The following NLRP12 variants were observed in gnomAD, a reference collection of about 807,000 sequenced individuals.
NLRP12 encodes the protein NACHT, LRR and PYD domains-containing protein 12.
Under a neutral mutation model 91.2 loss-of-function variants are expected in NLRP12, and 108 were observed. That is an observed-to-expected ratio of 1.18 (90% confidence interval 1.01 to 1.39). The LOEUF (loss-of-function observed/expected upper bound fraction) is 1.39, where lower values mean the gene tolerates loss of function less well. Ranked by LOEUF, NLRP12 falls within the 40% of genes most tolerant of loss-of-function variation. The pLI is 0.00. For synonymous variants in NLRP12, 613 were observed against 566.7 expected (o/e 1.08, Z -1.16); for missense variants, 1,530 against 1,352.7 (o/e 1.13, Z -2.06).
chr19:53,803,772 C>T, intron 6 of NLRP12, 180 bp downstream of exon 6: 1 of 633,218 alleles, frequency 1.6e-6, no homozygotes, highest in Non-Finnish European at 2.9e-6. Context: ...GGGGGTTTCA[C>T]CGTGTTGGCC....
In NLRP12 at chr19:53,801,442, C is replaced by CTTTTTT. The variant is rs531637211; in HGVS notation, c.2586-46_2586-45insAAAAAA. On this transcript the variant is annotated intron_variant, in intron 6 of 9. Coordinates refer to ENST00000324134, the MANE Select transcript of NLRP12 (RefSeq NM_144687.4). ...ACAAGCATTATGGAGGCTTTCCTTTCTTTTTCTTTTTTTTTTTTTTTTTTT... is the reference window on the plus strand; with the variant it reads ...ACAAGCATTATGGAGGCTTTCCTTTCTTTTTTTTTTTCTTTTTTTTTTTTTTTTTTT... 3.0e-4 allele frequency: 393 copies of CTTTTTT among 1,304,076 alleles called. 5 individuals carry two copies. Among genetic ancestry groups the CTTTTTT allele is most frequent in the African/African-American group, 1.8e-3 (97 of 54,238 alleles). 80.8% of individuals were successfully genotyped at this position (1,304,076 alleles called of 1,614,324 possible). A position where few individuals can be genotyped will look rare whatever the true frequency, so the allele number is the denominator to read the frequency against.
chr19:53,796,648 T>A (rs2091766891), intron 8 of NLRP12, among the ~76,000 whole-genome samples: 1 of 151,934 alleles, frequency 6.6e-6, no homozygotes, highest in Non-Finnish European at 1.5e-5. Context: ...CCTCCCAAAG[T>A]GCTGGGATTA....
intron 9 of NLRP12, among the ~76,000 whole-genome samples, chr19:53,795,075 T>C (rs9304757): frequency 0.54 from 82,083 of 151,082 alleles, 22,626 homozygotes; most frequent in South Asian, 0.63. Flanking sequence ...GTAGCTTTGA[T>C]TAGAGGTGTG....
At chr19:53,804,899 G>A (rs1272201564) in intron 5 of NLRP12, among the ~76,000 whole-genome samples, 2 of 151,858 alleles carry the variant, frequency 1.3e-5, no homozygotes, top group African/African-American at 2.4e-5. Flanking sequence ...GTGTGGTGGT[G>A]GGTGCCTGTA....
In NLRP12 at chr19:53,824,069, TCGCGGTCCC is replaced by T; in HGVS notation, c.97_105del (p.Gly33_Ala35del). The T allele has an allele frequency of 6.2e-7, 1 of 1,614,124 alleles. No homozygotes were observed. Among genetic ancestry groups the T allele is most frequent in the Non-Finnish European group, 8.5e-7 (1 of 1,180,018 alleles). ...GGGATCTTGCCTTCTCCCAGCTCTG[TCGCGGTCCC>T]CAGGTATAACTTGAACTTCTTCAGT... On this transcript the variant is annotated inframe_deletion, in exon 1 of 10. Transcript: ENST00000324134.
chr19:53,819,087 T>C (rs1267643199), intron 1 of NLRP12, among the ~76,000 whole-genome samples: 3 of 152,136 alleles, frequency 2.0e-5, no homozygotes, highest in Non-Finnish European at 2.9e-5. Context: ...TTATGCATTG[T>C]CAATGCTGGG....
chr19:53,818,106 G>A (rs2122739851), intron 1 of NLRP12, among the ~76,000 whole-genome samples: 1 of 148,106 alleles, frequency 6.8e-6, no homozygotes, highest in African/African-American at 2.5e-5. Flanking sequence ...TTTTTTGAGA[G>A]AGGGTCTTGC....
intron 8 of NLRP12, among the ~76,000 whole-genome samples, chr19:53,796,763 G>A (rs533780352): frequency 2.4e-4 from 36 of 152,012 alleles, no homozygotes; most frequent in African/African-American, 3.6e-4. Flanking sequence ...TTGGGAGGCC[G>A]AGGCAGGCAG....
At chr19:53,823,610 A>G (rs2092302239) in intron 1 of NLRP12, among the ~76,000 whole-genome samples, 1 of 150,616 alleles carries the variant, frequency 6.6e-6, no homozygotes, top group African/African-American at 2.4e-5. Context: ...GTGCAGTGGC[A>G]GGATCATAGC....
chr19:53,819,440 T>C (rs1300924604), intron 1 of NLRP12, among the ~76,000 whole-genome samples: 1 of 23,792 alleles, frequency 4.2e-5, no homozygotes, highest in Admixed American at 4.7e-4. Context: ...TATATATATA[T>C]ATATATATAT....
In NLRP12 at chr19:53,794,155, A is replaced by C; in HGVS notation, c.3099-19T>G. The C allele has an allele frequency of 1.3e-6, 2 of 1,523,738 alleles. No homozygotes were observed. The highest frequency in any genetic ancestry group is 1.8e-6 in the Non-Finnish European group (2 of 1,097,554). 94.4% of individuals were successfully genotyped at this position (1,523,738 alleles called of 1,614,324 possible). A position where few individuals can be genotyped will look rare whatever the true frequency, so the allele number is the denominator to read the frequency against. Reference sequence around the variant, plus strand: ...AAATAACCTGTGGACACAAGAGTTGATATTATTCCAGTGTACTACTGTGGC... The same window carrying C: ...AAATAACCTGTGGACACAAGAGTTGCTATTATTCCAGTGTACTACTGTGGC... On this transcript the variant is annotated intron_variant, in intron 9 of 9. Transcript: ENST00000324134.
rs2092197534 is a variant in NLRP12 at position 53,818,547 on chromosome 19, C to A, written c.290-3559G>T. ...GGGCGTGGTGGCGGGTGCCTGTAGT[C>A]CCAGGTACTCGGGAGGCTGAGGCAG... On this transcript the variant is annotated intron_variant, in intron 1 of 9. Transcript: ENST00000324134. Among the ~76,000 whole-genome samples the A allele has an allele frequency of 7.2e-5, 11 of 151,750 alleles. No individual in the cohort carries two copies. The South Asian group carries it at 2.3e-3, about 32-fold the overall frequency.
chr19:53,801,448 CTTTT>C (rs11417138), intron 6 of NLRP12, 51 bp from the exon 7 acceptor site: 3,816 of 1,267,136 alleles, frequency 3.0e-3, no homozygotes, highest in Middle Eastern at 4.8e-3. Context: ...CTTTCTTTTT[CTTTT>C]TTTTTTTTTT....
Position 53,793,947 on chromosome 19 carries a change from CTG to C in NLRP12, c.*100_*101del, listed in dbSNP as rs1440587183. The C allele has an allele frequency of 3.5e-6, 3 of 848,960 alleles. No homozygotes were observed. The highest frequency in any genetic ancestry group is 4.8e-5 in the East Asian group (2 of 41,320). The allele number at this position is 848,960 out of a possible 1,614,324, so 52.6% of individuals were successfully genotyped here. The stretch of plus-strand genomic sequence containing the variant: ...ACTTTTGATCTCAATCTGCATGAGT[CTG>C]TCTCTAGGAAGGAGGCTGATCATTA... On this transcript the variant is annotated 3_prime_UTR_variant, in exon 10 of 10. Coordinates refer to ENST00000324134, the MANE Select transcript of NLRP12 (RefSeq NM_144687.4).
At chr19:53,795,724 AT>A in intron 9 of NLRP12, 134 bp downstream of exon 9, 1 of 800,138 alleles carries the variant, frequency 1.2e-6, no homozygotes, top group Non-Finnish European at 2.1e-6. Context: ...GACATAGCTA[AT>A]ATGTGGCCTC....
At chr19:53,803,306 C>T (rs556813675) in intron 6 of NLRP12, among the ~76,000 whole-genome samples, 139 of 151,462 alleles carry the variant, frequency 9.2e-4, no homozygotes, top group Non-Finnish European at 1.7e-3. Flanking sequence ...CTCAGCCTCC[C>T]GAGTAGTTGG....
Position 53,801,388 on chromosome 19 carries a change from G to A in NLRP12, c.2595C>T (p.Ile865=), listed in dbSNP as rs2122564770. 4.3e-6 allele frequency: 7 copies of A among 1,609,362 alleles called. No individual in the cohort carries two copies. Among genetic ancestry groups the A allele is most frequent in the Non-Finnish European group, 4.2e-6 (5 of 1,177,800 alleles). ...CACAGGCAGCAGCAGTGAGGCGGCAGATCTTCAGCCTGCACAAAGTCCAAT... is the reference window on the plus strand; with the variant it reads ...CACAGGCAGCAGCAGTGAGGCGGCAAATCTTCAGCCTGCACAAAGTCCAAT... ...VCRLRTLWLK[I]CRLTAAACDE... The change falls in exon 7 of 10, where the codon ATC becomes ATT. Residue 865 remains isoleucine, a synonymous_variant. Transcript: ENST00000324134.
At chr19:53,794,246 A>G in intron 9 of NLRP12, 110 bp from the exon 10 acceptor site, 3 of 814,734 alleles carry the variant, frequency 3.7e-6, no homozygotes, top group Non-Finnish European at 6.5e-6. Context: ...ATGATCCTCC[A>G]GAAATTCCAC....
At chr19:53,818,047 G>T (rs2092189398) in intron 1 of NLRP12, among the ~76,000 whole-genome samples, 1 of 151,386 alleles carries the variant, frequency 6.6e-6, no homozygotes, top group Admixed American at 6.6e-5. Flanking sequence ...CCTCCAACAT[G>T]CTGGGATTAC....
Sources: gnomAD v4.1 joint callset for allele counts (sites outside exome capture counted in the v4.1 genomes callset) on GRCh38, gnomAD v4.1.1 for gene constraint, MANE v1.5 for transcripts, NCBI Gene and HGNC (gene_info 2026-07-23, HGNC 2026-07-21) for gene names.